The following CNTNAP2 variants were observed in gnomAD, a reference collection of about 807,000 sequenced individuals.
CNTNAP2 encodes contactin-associated protein-like 2.
In CNTNAP2, 98 loss-of-function variants were observed where a neutral mutation model predicts 155.2. The observed-to-expected ratio is 0.63, with a 90% CI of 0.54 to 0.75. The LOEUF (loss-of-function observed/expected upper bound fraction) is 0.75, where lower values mean the gene tolerates loss of function less well. Among genes scored for constraint, CNTNAP2 ranks in the 30% least tolerant of loss-of-function variants. The pLI, the probability that CNTNAP2 is intolerant of heterozygous loss-of-function variation, is 0.00. For missense variants in CNTNAP2, 1,727 were observed against 1,688.1 expected (o/e 1.02, Z -0.40); for synonymous variants, 651 against 631.2 (o/e 1.03, Z -0.47).
intron 13 of CNTNAP2, among the ~76,000 whole-genome samples, chr7:147,802,876 G>A (rs1349765585): frequency 6.6e-6 from 1 of 151,868 alleles, no homozygotes; most frequent in East Asian, 1.9e-4. Flanking sequence ...TAACGTGTAG[G>A]TTAATTTTCA....
At chr7:146,323,574 C>T (rs1801043073) in intron 1 of CNTNAP2, among the ~76,000 whole-genome samples, 1 of 151,974 alleles carries the variant, frequency 6.6e-6, no homozygotes, top group Admixed American at 6.6e-5. Context: ...TAAACAGACA[C>T]ATTAAAATAA....
chr7:147,453,779 T>A (rs1021324615), intron 10 of CNTNAP2, among the ~76,000 whole-genome samples: 3 of 152,076 alleles, frequency 2.0e-5, no homozygotes, highest in Non-Finnish European at 1.5e-5. Flanking sequence ...TACTCCAAAC[T>A]TAAAAGCTAA....
chr7:146,142,134 A>G (rs1388295707), intron 1 of CNTNAP2, among the ~76,000 whole-genome samples: 1 of 152,186 alleles, frequency 6.6e-6, no homozygotes, highest in Non-Finnish European at 1.5e-5. Flanking sequence ...AATATTTGCA[A>G]TGTGAATAGA....
At chr7:148,083,341 G>A (rs923812678) in intron 15 of CNTNAP2, among the ~76,000 whole-genome samples, 1 of 152,158 alleles carries the variant, frequency 6.6e-6, no homozygotes, top group Non-Finnish European at 1.5e-5. Flanking sequence ...GTTGCAGAGT[G>A]GGGGGCAGTG....
chr7:147,675,786 G>A (rs1227866740), intron 13 of CNTNAP2, among the ~76,000 whole-genome samples: 1 of 152,026 alleles, frequency 6.6e-6, no homozygotes, highest in African/African-American at 2.4e-5. Context: ...TCAGGTGAAT[G>A]TATTACAAGA....
intron 1 of CNTNAP2, among the ~76,000 whole-genome samples, chr7:146,456,740 C>T (rs973641730): frequency 2.6e-5 from 4 of 152,014 alleles, no homozygotes; most frequent in African/African-American, 9.7e-5. Flanking sequence ...AGGTCAGTAT[C>T]CCTTTAAAAT....
rs143514555 is a variant in CNTNAP2, at chr7:148,325,636, G to C, written c.3476-58013G>C. Among the ~76,000 whole-genome samples the C allele has an allele frequency of 8.0e-3, 1,216 of 152,288 alleles. 12 individuals carry two copies. Among genetic ancestry groups the C allele is most frequent in the African/African-American group, 0.027 (1,142 of 41,554 alleles). The stretch of plus-strand genomic sequence containing the variant: ...GCCCAGCCATGACCCCAAACCAATA[G>C]ATTTATTTTTAGGTAGTATCATGTA... On this transcript the variant is annotated intron_variant, in intron 21 of 23. Transcript: ENST00000361727.
chr7:147,162,163 C>T (rs1297665114), intron 8 of CNTNAP2: 3 of 152,140 alleles, frequency 2.0e-5, no homozygotes, highest in Non-Finnish European at 4.4e-5. Flanking sequence ...ATATTCAACT[C>T]TGGGACATGT....
At chr7:147,153,687 A>G (rs1313751231) in intron 8 of CNTNAP2, among the ~76,000 whole-genome samples, 1 of 152,198 alleles carries the variant, frequency 6.6e-6, no homozygotes, top group African/African-American at 2.4e-5. Context: ...CAGCGCATGT[A>G]AGGCTGAGCA....
At chr7:148,129,427 T>C (rs1187544642) in intron 16 of CNTNAP2, among the ~76,000 whole-genome samples, 1 of 152,004 alleles carries the variant, frequency 6.6e-6, no homozygotes, top group African/African-American at 2.4e-5. Flanking sequence ...TGATGTCAAC[T>C]AGGAGGGGGT....
chr7:147,132,158 T>C, intron 7 of CNTNAP2, 87 bp from the exon 8 acceptor site: 2 of 1,559,586 alleles, frequency 1.3e-6, no homozygotes, highest in Non-Finnish European at 1.8e-6. Flanking sequence ...GCTTCAAAAC[T>C]TGTAGAACTA....
intron 13 of CNTNAP2, among the ~76,000 whole-genome samples, chr7:147,668,356 A>T (rs1232088815): frequency 6.6e-6 from 1 of 152,256 alleles, no homozygotes; most frequent in African/African-American, 2.4e-5. Context: ...GAAACCCAGC[A>T]AAACTTCATA....
chr7:147,025,178 C>G (rs1196145186), intron 3 of CNTNAP2, among the ~76,000 whole-genome samples: 1 of 148,044 alleles, frequency 6.8e-6, no homozygotes, highest in East Asian at 2.0e-4. Context: ...CTCAGCTACT[C>G]CAGAGGCTGA....
chr7:146,714,080 C>T (rs1263767010), intron 1 of CNTNAP2, among the ~76,000 whole-genome samples: 1 of 152,118 alleles, frequency 6.6e-6, no homozygotes, highest in Non-Finnish European at 1.5e-5. Flanking sequence ...CTGGAGTGCA[C>T]TTCTCTGCCT....
intron 2 of CNTNAP2, among the ~76,000 whole-genome samples, 154 bp downstream of exon 2, chr7:146,774,535 C>T (rs528675746): frequency 2.0e-5 from 3 of 152,254 alleles, no homozygotes; most frequent in Admixed American, 2.0e-4. Flanking sequence ...ATGCCATTAA[C>T]CTCTCATGTA....
At chr7:147,331,762 C>A (rs1170781525) in intron 9 of CNTNAP2, among the ~76,000 whole-genome samples, 1 of 152,124 alleles carries the variant, frequency 6.6e-6, no homozygotes, top group Non-Finnish European at 1.5e-5. Context: ...TAGAAGTGTT[C>A]TCCTTTTGGC....
chr7:148,264,897 G>C (rs1796639784), intron 20 of CNTNAP2, among the ~76,000 whole-genome samples: 1 of 151,968 alleles, frequency 6.6e-6, no homozygotes, highest in Non-Finnish European at 1.5e-5. Context: ...GTTTCATCAT[G>C]TTGGCCAGGA....
intron 15 of CNTNAP2, among the ~76,000 whole-genome samples, chr7:148,057,626 G>A (rs2116505343): frequency 6.6e-6 from 1 of 152,282 alleles, no homozygotes; most frequent in African/African-American, 2.4e-5. Flanking sequence ...ATTTAGAATT[G>A]TGAATAATAG....
intron 1 of CNTNAP2, among the ~76,000 whole-genome samples, chr7:146,435,947 G>A (rs1008929142): frequency 4.6e-5 from 7 of 152,090 alleles, no homozygotes; most frequent in African/African-American, 1.4e-4. Context: ...GATATGCCAA[G>A]ATTTGGCTGA....
Sources: allele counts gnomAD v4.1 joint callset (sites outside exome capture counted in the v4.1 genomes callset), GRCh38; gene constraint gnomAD v4.1.1; transcripts MANE v1.5; gene names NCBI Gene and HGNC (gene_info 2026-07-23, HGNC 2026-07-21).